Variants in KAZN observed in about 807,000 individuals in gnomAD.
KAZN encodes the protein kazrin, periplakin interacting protein, also known as kazrin.
KAZN carries 40 observed loss-of-function variants against 87.4 expected under a neutral mutation model. The ratio of observed to expected loss-of-function variants is 0.46; its 90% CI spans 0.36 to 0.60. The LOEUF is 0.60. KAZN is among the 20% of genes least tolerant of loss of function. KAZN has a pLI of 0.00. For missense variants in KAZN, 898 were observed against 1,073.9 expected, an observed-to-expected ratio of 0.84 and a Z score of 2.29; for synonymous variants, 466 against 458.3, an observed-to-expected ratio of 1.02 and a Z score of -0.22.
intron 2 of KAZN, among the ~76,000 whole-genome samples, chr1:15,028,628 A>C (rs190580604): frequency 3.9e-5 from 6 of 152,348 alleles, no homozygotes; most frequent in Admixed American, 6.5e-5. Context: ...TGCCATGTGC[A>C]AACTGGATGT....
intron 1 of KAZN, among the ~76,000 whole-genome samples, chr1:14,024,864 T>G (rs1023372913): frequency 6.6e-6 from 1 of 152,194 alleles, no homozygotes; most frequent in African/African-American, 2.4e-5. Context: ...TTAAACCAAT[T>G]GCTGGCGTGG....
At chr1:14,386,095 G>C (rs541370857) in intron 2 of KAZN, among the ~76,000 whole-genome samples, 18 of 149,208 alleles carry the variant, frequency 1.2e-4, no homozygotes, top group African/African-American at 4.2e-4. Context: ...TTTGATCTTT[G>C]TTGGTTTAAA....
At chr1:14,108,768 C>G (rs940043062) in intron 1 of KAZN, among the ~76,000 whole-genome samples, 1 of 152,164 alleles carries the variant, frequency 6.6e-6, no homozygotes, top group African/African-American at 2.4e-5. Flanking sequence ...AACACTCCCC[C>G]AAGCATGCAC....
intron 4 of KAZN, among the ~76,000 whole-genome samples, chr1:15,051,254 G>A (rs1415984151): frequency 1.3e-5 from 2 of 152,250 alleles, no homozygotes; most frequent in East Asian, 1.9e-4. Context: ...TCTGATGTGG[G>A]AGATGTGATG....
At chr1:14,365,807 A>G (rs1263005588) in intron 2 of KAZN, among the ~76,000 whole-genome samples, 1 of 152,232 alleles carries the variant, frequency 6.6e-6, no homozygotes, top group Admixed American at 6.5e-5. Context: ...ACTCAAAACA[A>G]AAAGACTTCC....
chr1:14,985,287 TGGGAGGCC>T (rs1301634540), intron 2 of KAZN, among the ~76,000 whole-genome samples: 2 of 142,794 alleles, frequency 1.4e-5, no homozygotes, highest in African/African-American at 6.1e-5. Flanking sequence ...GAGGCCAAGG[TGGGAGGCC>T]AAGGTGGGAG....
intron 2 of KAZN, among the ~76,000 whole-genome samples, chr1:14,226,576 A>G (rs1216546961): frequency 6.6e-6 from 1 of 152,218 alleles, no homozygotes; most frequent in Non-Finnish European, 1.5e-5. Context: ...AATATAAGTC[A>G]TTCTACCATA....
At chr1:14,061,571 C>T (rs914010516) in intron 1 of KAZN, among the ~76,000 whole-genome samples, 2 of 152,190 alleles carry the variant, frequency 1.3e-5, no homozygotes, top group Non-Finnish European at 2.9e-5. Flanking sequence ...CTTCAAATGC[C>T]TCATAAAGTA....
chr1:14,340,980 CG>C (rs1485266949), intron 2 of KAZN, among the ~76,000 whole-genome samples: 2 of 148,126 alleles, frequency 1.4e-5, no homozygotes, highest in African/African-American at 2.5e-5. Context: ...CTCTGCCTCC[CG>C]GGTTCAAGCA....
At chr1:14,958,263 C>T (rs1023580576) in intron 1 of KAZN, among the ~76,000 whole-genome samples, 4 of 152,198 alleles carry the variant, frequency 2.6e-5, no homozygotes, top group Non-Finnish European at 5.9e-5. Context: ...ATTGGACCTT[C>T]TCTGTGTACA....
chr1:13,981,093 A>ATATATATATATATATATGTATATATATG, intron 1 of KAZN, among the ~76,000 whole-genome samples: 1 of 78,152 alleles, frequency 1.3e-5, no homozygotes, highest in East Asian at 2.6e-4. Flanking sequence ...TACTCTTTAT[A>ATATATATATATATATATGTATATATATG]TATATATATA....
intron 2 of KAZN, among the ~76,000 whole-genome samples, chr1:14,421,848 T>C (rs929293221): frequency 2.6e-5 from 4 of 152,274 alleles, no homozygotes; most frequent in Admixed American, 2.0e-4. Context: ...CCGGCCTCTT[T>C]CACTTACTAC....
chr1:14,893,752 A>T (rs1572752983), intron 1 of KAZN, among the ~76,000 whole-genome samples: 1 of 152,180 alleles, frequency 6.6e-6, no homozygotes, highest in Non-Finnish European at 1.5e-5. Context: ...TGCCCGCTTC[A>T]GCCTATGTTT....
At chr1:14,825,599 G>A (rs1196935903) in intron 1 of KAZN, among the ~76,000 whole-genome samples, 1 of 152,154 alleles carries the variant, frequency 6.6e-6, no homozygotes, top group Non-Finnish European at 1.5e-5. Flanking sequence ...CAAGCAAACT[G>A]AGGCACAAAG....
chr1:14,747,744 A>T (rs946694532), intron 1 of KAZN, among the ~76,000 whole-genome samples: 1 of 152,244 alleles, frequency 6.6e-6, no homozygotes, highest in African/African-American at 2.4e-5. Context: ...CTGCTGGGTC[A>T]CATGATAATT....
chr1:14,435,014 C>G (rs1666298890), intron 2 of KAZN, among the ~76,000 whole-genome samples: 1 of 152,094 alleles, frequency 6.6e-6, no homozygotes, highest in Non-Finnish European at 1.5e-5. Context: ...GGCAGCAATC[C>G]CACCATCCTT....
rs557648100 is a variant in KAZN, at chr1:13,962,638, A to G, written c.91+68882A>G. Among the ~76,000 whole-genome samples the G allele has an allele frequency of 1.1e-4, 17 of 152,022 alleles. No homozygotes were observed. In the East Asian group the frequency reaches 3.3e-3, roughly 29 times the overall value. On this transcript the variant is annotated intron_variant, in intron 1 of 16. Transcript: ENST00000636203. ...AGTGGCGTGATCTTGGCTCACTGCA[A>G]CCTCCACCTGCCAGGTTCAAGCGAT... is the stretch of plus-strand genomic sequence containing the variant.
chr1:14,093,535 T>A (rs566360201), intron 1 of KAZN, among the ~76,000 whole-genome samples: 1 of 152,276 alleles, frequency 6.6e-6, no homozygotes, highest in South Asian at 2.1e-4. Context: ...GGTAAGGAGA[T>A]TCCTCTTGCT....
chr1:15,101,688 A>T lies in KAZN; in HGVS notation c.1693A>T (p.Lys565Ter). 6.3e-7 allele frequency: 1 copy of T among 1,595,062 alleles called. No individual in the cohort carries two copies. Among genetic ancestry groups the T allele is most frequent in the Non-Finnish European group, 8.5e-7 (1 of 1,170,660 alleles). The change falls in exon 11 of 15, where the codon AAG (lysine) becomes TAG (stop). Residue 565 changes from lysine to a stop codon, truncating the protein, a stop_gained. Transcript: ENST00000376030. LOFTEE classifies it high-confidence loss of function. Reference protein sequence around the residue: ...LNSLMKRDLEKHLNVSKKFHQ... With the variant: ...LNSLMKRDLE Reference sequence around the variant, plus strand: ...TTCCCTGATGAAGCGAGACCTGGAGAAGCACCTGAACGTGTCCAAGAAGTT... The same window carrying T: ...TTCCCTGATGAAGCGAGACCTGGAGTAGCACCTGAACGTGTCCAAGAAGTT...
Sources: allele counts gnomAD v4.1 joint callset (sites outside exome capture counted in the v4.1 genomes callset), GRCh38; gene constraint gnomAD v4.1.1; transcripts MANE v1.5; gene names NCBI Gene and HGNC (gene_info 2026-07-23, HGNC 2026-07-21).